GSE1: variants seen among roughly 807,000 people sequenced by gnomAD.
The protein encoded by GSE1 is genetic suppressor element 1.
GSE1 carries 32 observed loss-of-function variants against 112.6 expected under a neutral mutation model. That is an observed-to-expected ratio of 0.28 (90% confidence interval 0.21 to 0.38). The LOEUF (loss-of-function observed/expected upper bound fraction) is 0.38. Among genes scored for constraint, GSE1 ranks in the 10% least tolerant of loss-of-function variants. The pLI is 1.00. For missense variants in GSE1, 2,348 were observed against 1,699.2 expected (o/e 1.38, Z -6.71); for synonymous variants, 1,115 against 735.6 (o/e 1.52, Z -8.35).
chr16:85,429,986 G>A (rs1003889283), intron 2 of GSE1, among the ~76,000 whole-genome samples: 2 of 152,186 alleles, frequency 1.3e-5, no homozygotes, highest in African/African-American at 2.4e-5. Flanking sequence ...GCGGGGGCTC[G>A]GTAAAAACGT....
intron 2 of GSE1, among the ~76,000 whole-genome samples, chr16:85,378,110 C>G (rs1373039430): frequency 6.6e-6 from 1 of 152,172 alleles, no homozygotes; most frequent in Non-Finnish European, 1.5e-5. Context: ...CCACCCGGTG[C>G]CAGGGCTCGG....
At position 85,429,752 on chromosome 16, in the gene GSE1, G is replaced by A. The variant is rs538912679; in HGVS notation, c.2464+72109G>A. On this transcript the variant is annotated intron_variant, in intron 2 of 2. Coordinates refer to the GSE1 transcript ENST00000637419. ...CTGGAACGCTGCTCCCACCTGCACA[G>A]CCCTGCATGTGGCTCTGAGCCCCCT... is the stretch of plus-strand genomic sequence containing the variant. 2.0e-5 allele frequency among the ~76,000 whole-genome samples: 3 copies of A among 152,354 alleles called. No individual in the cohort carries two copies. In the East Asian group the frequency reaches 5.8e-4, roughly 29 times the overall value.
intron 14 of GSE1, chr16:85,670,788 G>C (rs1172792714): frequency 5.3e-6 from 2 of 379,880 alleles, no homozygotes; most frequent in Non-Finnish European, 9.5e-6. Flanking sequence ...CTTTATTCCT[G>C]TGTATTGGGC....
chr16:85,606,438 C>T (rs569677397), upstream of GSE1, among the ~76,000 whole-genome samples: 6 of 152,340 alleles, frequency 3.9e-5, no homozygotes, highest in East Asian at 1.2e-3. Flanking sequence ...TGGTCAGGTG[C>T]CCTCACACAG....
At chr16:85,619,534 C>T (rs1050069642) in intron 1 of GSE1, among the ~76,000 whole-genome samples, 2 of 152,218 alleles carry the variant, frequency 1.3e-5, no homozygotes, top group South Asian at 2.1e-4. Context: ...CAGCCCCAGA[C>T]GGGCCTGGAG....
chr16:85,472,897 C>T (rs1452851278), intron 2 of GSE1, among the ~76,000 whole-genome samples: 1 of 152,202 alleles, frequency 6.6e-6, no homozygotes, highest in Non-Finnish European at 1.5e-5. Flanking sequence ...CCCTGCAGAC[C>T]CTGCCATGCC....
intron 2 of GSE1, among the ~76,000 whole-genome samples, chr16:85,489,099 G>A (rs986045191): frequency 1.3e-5 from 2 of 152,150 alleles, no homozygotes; most frequent in Admixed American, 1.3e-4. Context: ...CGTCCCGTGT[G>A]CTACCAATGA....
At chr16:85,390,371 C>G (rs907247341) in intron 2 of GSE1, among the ~76,000 whole-genome samples, 1 of 152,052 alleles carries the variant, frequency 6.6e-6, no homozygotes, top group Non-Finnish European at 1.5e-5. Flanking sequence ...AGATCAGGGT[C>G]AGATTCCTGC....
intron 2 of GSE1, among the ~76,000 whole-genome samples, chr16:85,380,553 T>C (rs2047523831): frequency 7.3e-6 from 1 of 137,826 alleles, no homozygotes; most frequent in African/African-American, 3.5e-5. Flanking sequence ...CTCCCAACAC[T>C]GCCCGCCGGG....
In GSE1 at chr16:85,615,501, G is replaced by C. The variant is rs376396165; in HGVS notation, c.7+2103G>C. 2.3e-4 allele frequency among the ~76,000 whole-genome samples: 35 copies of C among 151,790 alleles called. 1 individual carries two copies. The highest frequency in any genetic ancestry group is 7.8e-4 in the African/African-American group (32 of 41,076). On this transcript the variant is annotated intron_variant, in intron 1 of 15. Coordinates refer to ENST00000253458, the MANE Select transcript of GSE1 (RefSeq NM_014615.5). ...GGAAGCTGGAGCCAACCACGGTTTT[G>C]ACGCTTGGAGTTTTCTTTCCTGGAG...
Position 85,648,592 on chromosome 16 carries a change from G to A in GSE1, c.267G>A (p.Pro89=), listed in dbSNP as rs75392774. The change falls in exon 3 of 16, where the codon CCG becomes CCA. Residue 89 remains proline (P), a synonymous_variant. Transcript: ENST00000253458. Reference sequence around the variant, plus strand: ...GCGAGTCGTCCCCCGTGTCCTCTCCGGCCACCAACCACAGCTCCCCCGCCA... The same window carrying A: ...GCGAGTCGTCCCCCGTGTCCTCTCCAGCCACCAACCACAGCTCCCCCGCCA... ...LSSESSPVSS[P]ATNHSSPAST... is the part of the protein sequence containing the mutation. 2,997 of 1,603,654 alleles carry A rather than the reference G, an allele frequency of 1.9e-3. 57 individuals are homozygous for A. In the African/African-American group the frequency reaches 0.036, roughly 19 times the overall value.
At chr16:85,667,453 G>A (rs1249401624) in intron 13 of GSE1, among the ~76,000 whole-genome samples, 1 of 152,222 alleles carries the variant, frequency 6.6e-6, no homozygotes, top group Admixed American at 6.5e-5. Flanking sequence ...GCACAATGAG[G>A]CTGATTCCTG....
intron 2 of GSE1, among the ~76,000 whole-genome samples, chr16:85,535,379 A>G (rs1028428965): frequency 1.3e-5 from 2 of 151,756 alleles, no homozygotes; most frequent in Admixed American, 1.3e-4. Flanking sequence ...ATTCTCCCAG[A>G]TGGGAAACCC....
chr16:85,290,973 A>G (rs949015082), intron 1 of GSE1, among the ~76,000 whole-genome samples: 1 of 152,244 alleles, frequency 6.6e-6, no homozygotes, highest in Non-Finnish European at 1.5e-5. Flanking sequence ...TCTCAGTGTC[A>G]GAGCCGTAGC....
chr16:85,325,046 C>T (rs1017118858), intron 1 of GSE1, among the ~76,000 whole-genome samples: 3 of 152,164 alleles, frequency 2.0e-5, no homozygotes, highest in African/African-American at 7.2e-5. Context: ...CAGCTTGCTA[C>T]AACCTCGACC....
At chr16:85,302,322 C>G (rs1434175962) in intron 1 of GSE1, among the ~76,000 whole-genome samples, 1 of 152,168 alleles carries the variant, frequency 6.6e-6, no homozygotes, top group African/African-American at 2.4e-5. Context: ...ATTTATCCCA[C>G]CTGCTAAGGG....
intron 2 of GSE1, among the ~76,000 whole-genome samples, chr16:85,460,174 C>G (rs777323200): frequency 6.6e-6 from 1 of 152,234 alleles, no homozygotes; most frequent in African/African-American, 2.4e-5. Flanking sequence ...GCCTGAAACA[C>G]CAAGTGTGTT....
Position 85,281,696 on chromosome 16 carries a change from C to T in GSE1, c.2284-75767C>T, listed in dbSNP as rs894640241. ...GGTCACCGTGGGCAAAACCAAGGTG[C>T]ATGGACGTGGTTTTCAGGGTGTCAG... On this transcript the variant is annotated intron_variant, in intron 1 of 2. Transcript: ENST00000637419. Among the ~76,000 whole-genome samples the T allele has an allele frequency of 2.0e-5, 3 of 152,288 alleles. No individual in the cohort carries two copies. The East Asian group carries it at 5.8e-4, about 29-fold the overall frequency.
intron 2 of GSE1, among the ~76,000 whole-genome samples, chr16:85,498,091 G>A (rs2051241581): frequency 6.6e-6 from 1 of 152,156 alleles, no homozygotes; most frequent in Non-Finnish European, 1.5e-5. Flanking sequence ...AGAGGGGTGT[G>A]TGGGCAGGGC....
Sources: allele counts gnomAD v4.1 joint callset (sites outside exome capture counted in the v4.1 genomes callset), GRCh38; gene constraint gnomAD v4.1.1; transcripts MANE v1.5; gene names NCBI Gene and HGNC (gene_info 2026-07-23, HGNC 2026-07-21).